Variants in ATF3 observed in about 807,000 individuals in gnomAD.
ATF3 encodes cyclic AMP-dependent transcription factor ATF-3.
Under a neutral mutation model 18.4 loss-of-function variants are expected in ATF3, and 10 were observed. That is an observed-to-expected ratio of 0.54 (90% CI 0.34 to 0.92). The LOEUF (loss-of-function observed/expected upper bound fraction) is 0.92, where lower values mean the gene tolerates loss of function less well. Among genes scored for constraint, ATF3 ranks in the 40% least tolerant of loss-of-function variants. ATF3 has a pLI of 0.02. For missense variants in ATF3, 183 were observed against 222.3 expected (o/e 0.82, Z 1.12); for synonymous variants, 78 against 87.9 (o/e 0.89, Z 0.63).
chr1:212,610,678 T>C (rs1654858613), intron 1 of ATF3, among the ~76,000 whole-genome samples: 1 of 152,232 alleles, frequency 6.6e-6, no homozygotes, highest in East Asian at 1.9e-4. Context: ...ATGGCCGTTT[T>C]CTTCGATAGC....
chr1:212,575,012 A>G (rs777158004), intron 1 of ATF3, among the ~76,000 whole-genome samples: 1 of 152,118 alleles, frequency 6.6e-6, no homozygotes, highest in Non-Finnish European at 1.5e-5. Context: ...AATTGTGCAC[A>G]CACACACACG....
chr1:212,570,877 C>G (rs1416503135), intron 1 of ATF3, among the ~76,000 whole-genome samples: 1 of 152,108 alleles, frequency 6.6e-6, no homozygotes, highest in East Asian at 1.9e-4. Context: ...TGATAGACAC[C>G]TAGGCTGTCC....
At chr1:212,615,366 A>G in intron 2 of ATF3, 105 bp downstream of exon 2, 10 of 1,397,336 alleles carry the variant, frequency 7.2e-6, no homozygotes, top group Non-Finnish European at 8.7e-6. Flanking sequence ...AGTGAAACAA[A>G]CAAAACCACT....
chr1:212,602,632 G>A (rs1424778975), intron 1 of ATF3, among the ~76,000 whole-genome samples: 1 of 152,096 alleles, frequency 6.6e-6, no homozygotes, highest in East Asian at 1.9e-4. Flanking sequence ...CCCTGTCTGT[G>A]CCTCAGTTTC....
In ATF3 at chr1:212,620,142, G is replaced by T; in HGVS notation, c.*587G>T. ...TTTTATATGCTTTTTCTCAGATCTG[G>T]TTTCTAAGAGTTTTGGGGGGCGGGG... On this transcript the variant is annotated 3_prime_UTR_variant, in exon 4 of 4. Transcript: ENST00000341491. The T allele has an allele frequency of 6.4e-6, 1 of 156,100 alleles. No homozygotes were observed. The highest frequency in any genetic ancestry group is 1.4e-5 in the Non-Finnish European group (1 of 70,282). The allele number at this position is 156,100 out of a possible 1,614,324, so 9.7% of individuals were successfully genotyped here. A position where few individuals can be genotyped will look rare whatever the true frequency, so the allele number is the denominator to read the frequency against.
chr1:212,590,709 G>A (rs747699405), intron 1 of ATF3, among the ~76,000 whole-genome samples: 1 of 152,192 alleles, frequency 6.6e-6, no homozygotes, highest in Non-Finnish European at 1.5e-5. Context: ...ACGGCCATCT[G>A]TATTATTGTG....
At chr1:212,565,860 T>C (rs1192449306) in intron 1 of ATF3, among the ~76,000 whole-genome samples, 1 of 152,184 alleles carries the variant, frequency 6.6e-6, no homozygotes. Flanking sequence ...GTCAGTGCTG[T>C]AGTCAATGTA....
chr1:212,588,471 G>C (rs914285484), intron 1 of ATF3, among the ~76,000 whole-genome samples: 1 of 151,934 alleles, frequency 6.6e-6, no homozygotes, highest in Non-Finnish European at 1.5e-5. Flanking sequence ...TCTTTTTAGC[G>C]CCTCATGCCT....
chr1:212,619,328 T>C lies in ATF3; in HGVS notation c.349-30T>C. The C allele has an allele frequency of 6.2e-7, 1 of 1,612,642 alleles. No homozygotes were observed. On this transcript the variant is annotated intron_variant, in intron 3 of 3. Coordinates refer to ENST00000341491, the MANE Select transcript of ATF3 (RefSeq NM_001674.4). This position sits in a 1 kb window ranked among gnomAD's most constrained non-coding sequence, Gnocchi z 4.4. The stretch of plus-strand genomic sequence containing the variant: ...CCCTCCTCACTGGCCCTTGGCTCCT[T>C]TCTTGATGCCTCTGTTGCTTGTCCC...
intron 1 of ATF3, among the ~76,000 whole-genome samples, chr1:212,610,901 A>C (rs1654869041): frequency 6.6e-6 from 1 of 152,206 alleles, no homozygotes; most frequent in Non-Finnish European, 1.5e-5. Flanking sequence ...CACCAGCTTT[A>C]TGACCTCAGG....
intron 1 of ATF3, among the ~76,000 whole-genome samples, chr1:212,583,313 C>T (rs1664718860): frequency 6.6e-6 from 1 of 152,258 alleles, no homozygotes; most frequent in Non-Finnish European, 1.5e-5. Flanking sequence ...GTGCACTACA[C>T]TCTGGAACCC....
At position 212,599,453 on chromosome 1, in the gene ATF3, C is replaced by A. The variant is rs78824549; in HGVS notation, c.-4-15565C>A. Among the ~76,000 whole-genome samples the A allele has an allele frequency of 2.5e-3, 377 of 152,266 alleles. 3 individuals are homozygous for A. The highest frequency in any genetic ancestry group is 8.9e-3 in the African/African-American group (368 of 41,534). The stretch of plus-strand genomic sequence containing the variant: ...GAAAGCATAAATTACAGCTGTGAAC[C>A]AGTGAGGTAGATTTTCATGGTACTT... On this transcript the variant is annotated intron_variant, in intron 1 of 3. Transcript: ENST00000366981.
intron 1 of ATF3, among the ~76,000 whole-genome samples, chr1:212,588,953 C>CT (rs562304782): frequency 1.4e-3 from 208 of 152,208 alleles, no homozygotes; most frequent in Non-Finnish European, 2.8e-3. Context: ...ATGTATATAG[C>CT]TTTTTTGTGT....
chr1:212,592,336 A>G (rs1370726033), intron 1 of ATF3, among the ~76,000 whole-genome samples: 1 of 152,102 alleles, frequency 6.6e-6, no homozygotes, highest in African/African-American at 2.4e-5. Flanking sequence ...AGGGCTTTTA[A>G]GATAATAATC....
intron 2 of ATF3, among the ~76,000 whole-genome samples, chr1:212,616,352 A>C (rs1343355795): frequency 6.6e-6 from 1 of 152,114 alleles, no homozygotes; most frequent in East Asian, 1.9e-4. Flanking sequence ...ACTGGAGTGC[A>C]GTGGCATGAT....
At chr1:212,597,419 TTATCTATC>T (rs11404416) in intron 1 of ATF3, among the ~76,000 whole-genome samples, 26 of 150,848 alleles carry the variant, frequency 1.7e-4, no homozygotes, top group East Asian at 7.9e-4. Context: ...TTACATCTAT[TTATCTATC>T]TATCTATCTA....
At position 212,615,135 on chromosome 1, in the gene ATF3, G is replaced by A. The variant is rs757480490; in HGVS notation, c.114G>A (p.Thr38=). Residue 38 remains threonine, a synonymous_variant, in exon 2 of 4, where the codon ACG becomes ACA. Transcript: ENST00000341491. Reference sequence around the variant, plus strand: ...TGTTTGAGGATTTTGCTAACCTGACGCCCTTTGTCAAGGAAGAGCTGAGGT... The same window carrying A: ...TGTTTGAGGATTTTGCTAACCTGACACCCTTTGTCAAGGAAGAGCTGAGGT... ...SLVFEDFANL[T]PFVKEELRFA... The A allele has an allele frequency of 1.7e-5, 28 of 1,614,042 alleles. No individual in the cohort carries two copies. The highest frequency in any genetic ancestry group is 4.5e-5 in the East Asian group (2 of 44,894).
At chr1:212,602,067 C>T (rs1654497320) in intron 1 of ATF3, among the ~76,000 whole-genome samples, 1 of 152,064 alleles carries the variant, frequency 6.6e-6, no homozygotes, top group Non-Finnish European at 1.5e-5. Context: ...ACATTATCCT[C>T]ATTTTACAGG....
At position 212,587,878 on chromosome 1, in the gene ATF3, G is replaced by T. The variant is rs976234303; in HGVS notation, c.-5+22395G>T. Among the ~76,000 whole-genome samples, 10 of 151,906 alleles carry T rather than the reference G, an allele frequency of 6.6e-5. No homozygotes were observed. In the South Asian group the frequency reaches 2.1e-3, roughly 32 times the overall value. ...AGATGTCAACAGAATTGTGGGAAAT[G>T]GGGAGTGTGGGATACGGTGCCTGTA... On this transcript the variant is annotated intron_variant, in intron 1 of 3. Transcript: ENST00000366981.
Sources: allele counts gnomAD v4.1 joint callset (sites outside exome capture counted in the v4.1 genomes callset), GRCh38; gene constraint gnomAD v4.1.1; non-coding constraint Gnocchi (gnomAD v3.1); transcripts MANE v1.5; gene names NCBI Gene and HGNC (gene_info 2026-07-23, HGNC 2026-07-21).